Variants in PTPRN2 observed in about 807,000 individuals in gnomAD.
PTPRN2 encodes protein tyrosine phosphatase receptor type N2, also known as receptor-type tyrosine-protein phosphatase N2.
A neutral mutation model predicts 118.8 loss-of-function variants in PTPRN2; 74 were observed. That is an observed-to-expected ratio of 0.62 (90% CI 0.52 to 0.76). PTPRN2 has a LOEUF of 0.76. PTPRN2 is among the 30% of genes least tolerant of loss of function. PTPRN2 has a pLI of 0.00. For missense variants in PTPRN2, 1,481 were observed against 1,394.4 expected (o/e 1.06, Z -0.99); for synonymous variants, 641 against 608.0 (o/e 1.05, Z -0.80).
intron 2 of PTPRN2, among the ~76,000 whole-genome samples, chr7:158,395,177 G>A (rs1234664295): frequency 6.6e-6 from 1 of 151,862 alleles, no homozygotes; most frequent in Non-Finnish European, 1.5e-5. Flanking sequence ...GGAGTCTGGG[G>A]TGGAGGGGCT....
At chr7:158,385,835 G>A (rs1415883088) in intron 2 of PTPRN2, among the ~76,000 whole-genome samples, 1 of 151,078 alleles carries the variant, frequency 6.6e-6, no homozygotes, top group Non-Finnish European at 1.5e-5. Flanking sequence ...TCCAGGAAGA[G>A]GGCTCTGCTG....
At chr7:158,468,945 A>G (rs1819596110) in intron 2 of PTPRN2, among the ~76,000 whole-genome samples, 1 of 149,690 alleles carries the variant, frequency 6.7e-6, no homozygotes, top group Non-Finnish European at 1.5e-5. Flanking sequence ...AACAGTAGGC[A>G]CACCCACACA....
intron 2 of PTPRN2, among the ~76,000 whole-genome samples, chr7:158,353,143 G>A (rs1023842021): frequency 7.2e-5 from 11 of 152,206 alleles, no homozygotes; most frequent in Non-Finnish European, 4.4e-5. Flanking sequence ...CTCCACAGCC[G>A]TGCTGCCCAC....
At chr7:158,210,798 C>T (rs112647294) in intron 3 of PTPRN2, among the ~76,000 whole-genome samples, 6,612 of 152,156 alleles carry the variant, frequency 0.043, 501 homozygotes, top group African/African-American at 0.15. Context: ...AGATCAATAA[C>T]AAATAATGAG....
intron 11 of PTPRN2, among the ~76,000 whole-genome samples, chr7:158,060,814 A>G (rs1810273308): frequency 6.6e-6 from 1 of 152,238 alleles, no homozygotes; most frequent in Non-Finnish European, 1.5e-5. Flanking sequence ...GAAAGAGACC[A>G]TGTAGGCCTT....
At chr7:158,337,028 C>T (rs199670669) in intron 2 of PTPRN2, among the ~76,000 whole-genome samples, 39 of 95,202 alleles carry the variant, frequency 4.1e-4, no homozygotes, top group Admixed American at 8.4e-4. Flanking sequence ...GAGCTGTCAC[C>T]CACAGACATC....
intron 6 of PTPRN2, among the ~76,000 whole-genome samples, chr7:158,156,642 C>T (rs1157388245): frequency 1.3e-5 from 2 of 152,210 alleles, no homozygotes; most frequent in African/African-American, 4.8e-5. Flanking sequence ...CAAAGCAAAC[C>T]AACTGCTGCA....
At chr7:158,192,138 G>C (rs1346782793) in intron 5 of PTPRN2, among the ~76,000 whole-genome samples, 189 bp downstream of exon 5, 1 of 152,174 alleles carries the variant, frequency 6.6e-6, no homozygotes, top group Non-Finnish European at 1.5e-5. Flanking sequence ...ATTTGTGGGG[G>C]TGGCTGGACT....
intron 14 of PTPRN2, among the ~76,000 whole-genome samples, chr7:157,652,924 C>T (rs1196025339): frequency 6.6e-6 from 1 of 152,224 alleles, no homozygotes; most frequent in Non-Finnish European, 1.5e-5. Context: ...AAAGCAGCAG[C>T]GTGAGCTCCA....
At chr7:157,626,314 G>A (rs1803566103) in intron 14 of PTPRN2, among the ~76,000 whole-genome samples, 1 of 152,152 alleles carries the variant, frequency 6.6e-6, no homozygotes, top group African/African-American at 2.4e-5. Context: ...GACTAGCATT[G>A]TCCTTTTTCT....
At chr7:157,680,154 G>A (rs1407179243) in intron 13 of PTPRN2, among the ~76,000 whole-genome samples, 3 of 152,126 alleles carry the variant, frequency 2.0e-5, no homozygotes, top group Non-Finnish European at 4.4e-5. Flanking sequence ...TTTTTCAGAA[G>A]CTTTAAGACA....
chr7:158,326,917 ACACG>A (rs1803617635), intron 2 of PTPRN2, among the ~76,000 whole-genome samples: 7 of 151,440 alleles, frequency 4.6e-5, no homozygotes, highest in South Asian at 2.1e-4. Flanking sequence ...GCACATGCTC[ACACG>A]TTCTCACATG....
intron 14 of PTPRN2, among the ~76,000 whole-genome samples, chr7:157,646,035 G>A (rs1013228894): frequency 7.2e-5 from 11 of 152,260 alleles, no homozygotes; most frequent in African/African-American, 1.9e-4. Context: ...TTTCAGGGAA[G>A]AGAGTGGAGC....
intron 2 of PTPRN2, among the ~76,000 whole-genome samples, chr7:158,467,549 C>T (rs777058021): frequency 3.9e-5 from 6 of 152,138 alleles, no homozygotes; most frequent in Non-Finnish European, 7.3e-5. Context: ...GGAGCTCTTC[C>T]TGTATGTTTT....
intron 12 of PTPRN2, among the ~76,000 whole-genome samples, chr7:157,765,926 TCCTC>T (rs1321815145): frequency 7.3e-6 from 1 of 137,910 alleles, no homozygotes; most frequent in African/African-American, 2.8e-5. Flanking sequence ...CATCCATTCT[TCCTC>T]CATCCATCCA....
At chr7:158,247,653 G>C (rs146078901) in intron 3 of PTPRN2, among the ~76,000 whole-genome samples, 3 of 152,274 alleles carry the variant, frequency 2.0e-5, no homozygotes, top group Admixed American at 6.5e-5. Context: ...TTTCATTCTT[G>C]TGGCCCAGGC....
intron 3 of PTPRN2, among the ~76,000 whole-genome samples, chr7:158,206,543 A>C (rs1340284342): frequency 6.6e-6 from 1 of 151,830 alleles, no homozygotes; most frequent in Non-Finnish European, 1.5e-5. Context: ...GTCACCCGTC[A>C]CCCAGCTCCA....
chr7:157,993,212 C>T (rs1048061679), intron 11 of PTPRN2, among the ~76,000 whole-genome samples: 7 of 152,134 alleles, frequency 4.6e-5, no homozygotes, highest in South Asian at 4.1e-4. Flanking sequence ...TAAATAGATT[C>T]GGATTTCTCT....
At chr7:157,565,899 G>C (rs1247473664) in intron 21 of PTPRN2, among the ~76,000 whole-genome samples, 1 of 152,208 alleles carries the variant, frequency 6.6e-6, no homozygotes, top group Non-Finnish European at 1.5e-5. Context: ...GAAATGACAC[G>C]TGTAAGCGCT....
Sources: allele counts gnomAD v4.1 joint callset (sites outside exome capture counted in the v4.1 genomes callset), GRCh38; gene constraint gnomAD v4.1.1; transcripts MANE v1.5; gene names NCBI Gene and HGNC (gene_info 2026-07-23, HGNC 2026-07-21).